Variants in CCSER1 observed in about 807,000 individuals in gnomAD.
CCSER1 encodes serine-rich coiled-coil domain-containing protein 1.
In CCSER1, 41 loss-of-function variants were observed where a neutral mutation model predicts 82.0. The ratio of observed to expected loss-of-function variants is 0.50; its 90% CI spans 0.39 to 0.65. The LOEUF (loss-of-function observed/expected upper bound fraction) is 0.65. CCSER1 is among the 30% of genes least tolerant of loss of function. The probability of loss-of-function intolerance (pLI) is 0.00; values close to 1 mark genes in which losing one functional copy is unlikely to be tolerated. For synonymous variants in CCSER1, 414 were observed against 383.9 expected (o/e 1.08, Z -0.92); for missense variants, 1,119 against 1,064.2 (o/e 1.05, Z -0.72).
intron 6 of CCSER1, among the ~76,000 whole-genome samples, chr4:90,723,142 T>A (rs182314199): frequency 1.3e-5 from 2 of 152,002 alleles, no homozygotes; most frequent in Non-Finnish European, 2.9e-5. Flanking sequence ...GTTAAGAATA[T>A]AATAAAATGA....
chr4:90,786,717 T>G (rs558291278), intron 7 of CCSER1, among the ~76,000 whole-genome samples: 6 of 152,324 alleles, frequency 3.9e-5, no homozygotes, highest in African/African-American at 1.2e-4. Context: ...TGTGACCAAA[T>G]GTGTCTGTAT....
chr4:90,343,835 T>A (rs1328636090), intron 3 of CCSER1, among the ~76,000 whole-genome samples: 1 of 152,166 alleles, frequency 6.6e-6, no homozygotes, highest in Non-Finnish European at 1.5e-5. Context: ...AAGAATCACA[T>A]CATGGAAAAT....
At chr4:90,796,562 T>C (rs531640539) in intron 7 of CCSER1, among the ~76,000 whole-genome samples, 1 of 152,242 alleles carries the variant, frequency 6.6e-6, no homozygotes, top group South Asian at 2.1e-4. Context: ...CTACTTCTTT[T>C]AGTTGTGATG....
At chr4:90,911,801 G>A (rs558509034) in intron 8 of CCSER1, among the ~76,000 whole-genome samples, 1 of 152,290 alleles carries the variant, frequency 6.6e-6, no homozygotes, top group East Asian at 1.9e-4. Flanking sequence ...CTTTTCCGAT[G>A]GTCTTAGCAA....
intron 8 of CCSER1, among the ~76,000 whole-genome samples, chr4:90,888,008 G>T (rs1722408033): frequency 6.6e-6 from 1 of 152,138 alleles, no homozygotes; most frequent in Non-Finnish European, 1.5e-5. Flanking sequence ...CGGAGAAAAA[G>T]TTGTAAAAAG....
At chr4:91,158,883 A>G (rs1453318637) in intron 10 of CCSER1, among the ~76,000 whole-genome samples, 1 of 151,988 alleles carries the variant, frequency 6.6e-6, no homozygotes, top group Non-Finnish European at 1.5e-5. Flanking sequence ...GCATTACCAG[A>G]AGCGAATCCA....
intron 10 of CCSER1, among the ~76,000 whole-genome samples, chr4:91,143,403 G>A (rs568980342): frequency 1.3e-5 from 2 of 151,906 alleles, no homozygotes; most frequent in African/African-American, 4.8e-5. Flanking sequence ...GCATTTTCTA[G>A]GTATAAGATT....
chr4:91,180,923 A>T (rs1733959500), intron 10 of CCSER1, among the ~76,000 whole-genome samples: 1 of 141,536 alleles, frequency 7.1e-6, no homozygotes, highest in African/African-American at 2.6e-5. Flanking sequence ...GATGGGCCAA[A>T]TTAAAGCAAT....
chr4:90,957,645 TATATA>T (rs199875394), intron 9 of CCSER1, among the ~76,000 whole-genome samples: 13,285 of 126,586 alleles, frequency 0.1, 745 homozygotes, highest in Admixed American at 0.15. Flanking sequence ...TAATATATAA[TATATA>T]ATTATATATA....
At chr4:91,325,055 G>T (rs542271658) in intron 10 of CCSER1, 1 of 401,488 alleles carries the variant, frequency 2.5e-6, no homozygotes, top group East Asian at 7.2e-5. Flanking sequence ...TCGGACCTGT[G>T]GGGCAAGGGG....
chr4:91,417,066 A>G (rs1753409703), intron 10 of CCSER1, among the ~76,000 whole-genome samples: 2 of 152,220 alleles, frequency 1.3e-5, no homozygotes, highest in African/African-American at 4.8e-5. Context: ...GACACTTCTC[A>G]AAAGAAGACA....
intron 10 of CCSER1, among the ~76,000 whole-genome samples, chr4:91,261,648 A>G (rs983520030): frequency 6.6e-6 from 1 of 152,188 alleles, no homozygotes; most frequent in Non-Finnish European, 1.5e-5. Flanking sequence ...GAATAGGAGT[A>G]AGACTTTTAG....
At chr4:90,280,762 T>C (rs1365085712) in intron 1 of CCSER1, among the ~76,000 whole-genome samples, 1 of 148,580 alleles carries the variant, frequency 6.7e-6, no homozygotes, top group Non-Finnish European at 1.5e-5. Flanking sequence ...AAGCCCAGAA[T>C]GTGCTGACAC....
intron 10 of CCSER1, among the ~76,000 whole-genome samples, chr4:91,497,806 T>G (rs2110086756): frequency 6.6e-6 from 1 of 152,098 alleles, no homozygotes; most frequent in Middle Eastern, 3.4e-3. Flanking sequence ...CCAGTAAGAC[T>G]AAATGAACTG....
intron 1 of CCSER1, among the ~76,000 whole-genome samples, chr4:90,259,936 T>A (rs957898614): frequency 6.6e-6 from 1 of 152,144 alleles, no homozygotes; most frequent in Non-Finnish European, 1.5e-5. Flanking sequence ...CTCTTTTTTG[T>A]TATGTCCTTT....
chr4:91,262,948 G>A (rs1741307875), intron 10 of CCSER1, among the ~76,000 whole-genome samples: 1 of 151,738 alleles, frequency 6.6e-6, no homozygotes, highest in African/African-American at 2.4e-5. Context: ...CCCTTGCTCT[G>A]GTAATTAACA....
chr4:91,407,161 A>G (rs375121767), intron 10 of CCSER1, among the ~76,000 whole-genome samples: 4 of 152,336 alleles, frequency 2.6e-5, no homozygotes, highest in Non-Finnish European at 4.4e-5. Flanking sequence ...TCTAAGTGAC[A>G]TACAAGAAAA....
intron 9 of CCSER1, among the ~76,000 whole-genome samples, chr4:90,962,197 C>T (rs527452302): frequency 2.7e-4 from 41 of 152,068 alleles, no homozygotes; most frequent in Non-Finnish European, 3.5e-4. Context: ...CATTCTGTAC[C>T]ATTCACATCT....
chr4:90,959,876 T>C (rs1219525672), intron 9 of CCSER1, among the ~76,000 whole-genome samples: 9 of 152,120 alleles, frequency 5.9e-5, no homozygotes, highest in Non-Finnish European at 1.5e-5. Context: ...TGTCATTTAA[T>C]ACACATGCTT....
Sources: gnomAD v4.1 joint callset for allele counts (sites outside exome capture counted in the v4.1 genomes callset) on GRCh38, gnomAD v4.1.1 for gene constraint, MANE v1.5 for transcripts, NCBI Gene and HGNC (gene_info 2026-07-23, HGNC 2026-07-21) for gene names.